The following ARMC9 variants were observed in gnomAD, a reference collection of about 807,000 sequenced individuals.
ARMC9 encodes the protein armadillo repeat containing 9.
ARMC9 carries 94 observed loss-of-function variants against 107.0 expected under a neutral mutation model. The observed-to-expected ratio is 0.88, with a 90% CI of 0.74 to 1.04. The LOEUF (loss-of-function observed/expected upper bound fraction) is 1.04. Ranked by LOEUF, ARMC9 falls within the 50% of genes least tolerant of loss-of-function variation. The probability of loss-of-function intolerance (pLI) is 0.00; values close to 1 mark genes in which losing one functional copy is unlikely to be tolerated. For missense variants in ARMC9, 942 were observed against 1,030.1 expected (o/e 0.91, Z 1.17); for synonymous variants, 380 against 396.9 (o/e 0.96, Z 0.51).
intron 7 of ARMC9, among the ~76,000 whole-genome samples, chr2:231,233,606 G>T (rs555608435): frequency 6.6e-6 from 1 of 151,942 alleles, no homozygotes; most frequent in Non-Finnish European, 1.5e-5. Context: ...AAGAAACCCC[G>T]TCTGTACTAA....
chr2:231,308,806 A>G (rs2042176381), intron 19 of ARMC9, among the ~76,000 whole-genome samples: 1 of 152,162 alleles, frequency 6.6e-6, no homozygotes, highest in Admixed American at 6.5e-5. Context: ...GACCTGTGAG[A>G]TTGTGGACCC....
intron 9 of ARMC9, among the ~76,000 whole-genome samples, chr2:231,246,027 C>G (rs1476611910): frequency 6.6e-6 from 1 of 152,146 alleles, no homozygotes; most frequent in Non-Finnish European, 1.5e-5. Context: ...GCTCCTGCCC[C>G]CTGGATGAGT....
At chr2:231,226,105 C>T (rs147039215) in intron 6 of ARMC9, among the ~76,000 whole-genome samples, 1 of 152,340 alleles carries the variant, frequency 6.6e-6, no homozygotes, top group African/African-American at 2.4e-5. Flanking sequence ...AATCCACCCG[C>T]CTCAGCCTCC....
At position 231,304,435 on chromosome 2, in the gene ARMC9, C is replaced by T. The variant is rs572431880; in HGVS notation, c.1773+8182C>T. Among the ~76,000 whole-genome samples, 4 of 152,330 alleles carry T rather than the reference C, an allele frequency of 2.6e-5. No individual in the cohort carries two copies. In the South Asian group the frequency reaches 8.3e-4, roughly 32 times the overall value. On this transcript the variant is annotated intron_variant, in intron 19 of 24. Coordinates refer to ENST00000611582, the MANE Select transcript of ARMC9 (RefSeq NM_001352754.2). ...TTTGAGACGAAGTCTCACTCTATCG[C>T]CCAGGCTGGAGTGCAATGGTGCCAT...
chr2:231,369,479 G>T (rs1330143826), intron 23 of ARMC9, among the ~76,000 whole-genome samples: 1 of 151,948 alleles, frequency 6.6e-6, no homozygotes, highest in Non-Finnish European at 1.5e-5. Flanking sequence ...TTTTAGTAGA[G>T]ACGGGGGTCT....
chr2:231,233,537 G>C (rs995612426), intron 7 of ARMC9, among the ~76,000 whole-genome samples: 2 of 152,126 alleles, frequency 1.3e-5, no homozygotes, highest in Non-Finnish European at 2.9e-5. Flanking sequence ...AGCACTTTGG[G>C]GGGCCGAGGC....
intron 21 of ARMC9, among the ~76,000 whole-genome samples, chr2:231,355,559 C>T (rs771438759): frequency 3.3e-5 from 5 of 152,212 alleles, no homozygotes; most frequent in Admixed American, 6.5e-5. Flanking sequence ...GAATACACCA[C>T]GCCATGTATC....
intron 17 of ARMC9, among the ~76,000 whole-genome samples, chr2:231,287,933 A>C (rs1375501804): frequency 6.6e-6 from 1 of 152,246 alleles, no homozygotes; most frequent in African/African-American, 2.4e-5. Flanking sequence ...CTAAGAACAG[A>C]GGCCGGAAGG....
chr2:231,314,077 T>TTTTTTG (rs2042521923), intron 19 of ARMC9, among the ~76,000 whole-genome samples: 1 of 149,646 alleles, frequency 6.7e-6, no homozygotes, highest in Non-Finnish European at 1.5e-5. Context: ...TTTTTTTTTT[T>TTTTTTG]TTTTTTGTTT....
intron 6 of ARMC9, 69 bp from the exon 7 acceptor site, chr2:231,226,705 A>C: frequency 6.4e-7 from 1 of 1,551,562 alleles, no homozygotes; most frequent in Admixed American, 1.7e-5. Context: ...CACATTGGCC[A>C]CAGGATGTCC....
At chr2:231,316,399 G>A (rs1320212033) in intron 19 of ARMC9, among the ~76,000 whole-genome samples, 5 of 151,978 alleles carry the variant, frequency 3.3e-5, no homozygotes, top group Non-Finnish European at 5.9e-5. Flanking sequence ...AGTGGTTCAT[G>A]CCTGTAATCC....
chr2:231,289,020 C>G (rs1393162727), intron 17 of ARMC9, among the ~76,000 whole-genome samples: 3 of 152,142 alleles, frequency 2.0e-5, no homozygotes, highest in East Asian at 1.9e-4. Flanking sequence ...TCACTAGGAC[C>G]TTTTATTATC....
intron 3 of ARMC9, among the ~76,000 whole-genome samples, chr2:231,211,281 G>C (rs1310837058): frequency 6.6e-6 from 1 of 151,928 alleles, no homozygotes; most frequent in Non-Finnish European, 1.5e-5. Flanking sequence ...AGCACTTTGG[G>C]AGGCCGAGGT....
In ARMC9 at chr2:231,220,301, A is replaced by G. The variant is rs2033979220; in HGVS notation, c.505-2427A>G. Among the ~76,000 whole-genome samples, 3 of 151,916 alleles carry G rather than the reference A, an allele frequency of 2.0e-5. No homozygotes were observed. In the South Asian group the frequency reaches 6.2e-4, roughly 32 times the overall value. On this transcript the variant is annotated intron_variant, in intron 5 of 24. Coordinates refer to ENST00000611582, the MANE Select transcript of ARMC9 (RefSeq NM_001352754.2). ...CCTTCCTGTCTTTTATTTCTTTAAC[A>G]CATTAAAACTTTAGGCCAGGTGCAG... is the stretch of plus-strand genomic sequence containing the variant.
In ARMC9 at chr2:231,360,612, C is replaced by T; in HGVS notation, c.2132-142C>T. 7.4e-7 allele frequency: 1 copy of T among 1,343,784 alleles called. No individual in the cohort carries two copies. The highest frequency in any genetic ancestry group is 1.0e-6 in the Non-Finnish European group (1 of 980,446). 83.2% of individuals were successfully genotyped at this position (1,343,784 alleles called of 1,614,324 possible). On this transcript the variant is annotated intron_variant, in intron 22 of 24. Transcript: ENST00000611582. The surrounding 1 kb of genome is among the most constrained non-coding windows in gnomAD (Gnocchi z 4.7). ...CCGGGCTGCACGAGTAAACAAGTAT[C>T]CCAAGCCACAGGCGCCAGGGAGCCC...
At chr2:231,314,923 G>A (rs931739432) in intron 19 of ARMC9, among the ~76,000 whole-genome samples, 3 of 152,136 alleles carry the variant, frequency 2.0e-5, no homozygotes, top group Admixed American at 6.5e-5. Flanking sequence ...TATTCAACCC[G>A]TTGTATTGCT....
At chr2:231,304,910 T>TG (rs1430041195) in intron 19 of ARMC9, among the ~76,000 whole-genome samples, 1 of 152,374 alleles carries the variant, frequency 6.6e-6, no homozygotes, top group East Asian at 1.9e-4. Context: ...CTCACTTCAT[T>TG]AATTTTTGAG....
intron 19 of ARMC9, among the ~76,000 whole-genome samples, chr2:231,324,123 C>CTTTTTTTTTTTTTTTT (rs71296842): frequency 3.4e-5 from 3 of 89,270 alleles, no homozygotes; most frequent in Non-Finnish European, 4.0e-5. Flanking sequence ...TTGTAAAGTA[C>CTTTTTTTTTTTTTTTT]TTTTTTTTTT....
intron 19 of ARMC9, among the ~76,000 whole-genome samples, chr2:231,326,629 C>T (rs1014219748): frequency 3.3e-5 from 5 of 152,232 alleles, no homozygotes; most frequent in Admixed American, 6.5e-5. Flanking sequence ...AGTGGAGAGG[C>T]GGGGTAGCTT....
Sources: gnomAD v4.1 joint callset for allele counts (sites outside exome capture counted in the v4.1 genomes callset) on GRCh38, gnomAD v4.1.1 for gene constraint, Gnocchi (gnomAD v3.1) non-coding constraint, MANE v1.5 for transcripts, NCBI Gene and HGNC (gene_info 2026-07-23, HGNC 2026-07-21) for gene names.